The following SC5D variants were observed in gnomAD, a reference collection of about 807,000 sequenced individuals.
SC5D encodes the protein lathosterol oxidase.
Under a neutral mutation model 23.9 loss-of-function variants are expected in SC5D, and 21 were observed. The observed-to-expected ratio is 0.88, with a 90% CI of 0.62 to 1.26. The LOEUF (loss-of-function observed/expected upper bound fraction) is 1.26, where lower values mean the gene tolerates loss of function less well. SC5D is among the 50% of genes most tolerant of loss of function. The pLI, the probability that SC5D is intolerant of heterozygous loss-of-function variation, is 0.00. For synonymous variants in SC5D, 113 were observed against 125.9 expected, an observed-to-expected ratio of 0.90 and a Z score of 0.68; for missense variants, 309 against 364.8, an observed-to-expected ratio of 0.85 and a Z score of 1.25.
At position 121,306,376 on chromosome 11, in the gene SC5D, T is replaced by C. The variant is rs776728651; in HGVS notation, c.344-10T>C. On this transcript the variant is annotated splice_polypyrimidine_tract_variant and intron_variant, in intron 3 of 4. Coordinates refer to ENST00000264027, the MANE Select transcript of SC5D (RefSeq NM_006918.5). ...GTTTTGATTCTTCTGTTTCCCGTTT[T>C]CTTTTCTAGGATTGTTTGAACTTGT... 4 of 1,384,208 alleles carry C rather than the reference T, an allele frequency of 2.9e-6. No individual in the cohort carries two copies. The East Asian group carries it at 9.1e-5, about 32-fold the overall frequency. 85.7% of individuals were successfully genotyped at this position (1,384,208 alleles called of 1,614,324 possible). A position where few individuals can be genotyped will look rare whatever the true frequency, so the allele number is the denominator to read the frequency against.
At chr11:121,301,113 G>A (rs1306423808) in intron 1 of SC5D, among the ~76,000 whole-genome samples, 2 of 152,068 alleles carry the variant, frequency 1.3e-5, no homozygotes, top group Non-Finnish European at 2.9e-5. Flanking sequence ...AGTATGGCCT[G>A]TACACACAAA....
chr11:121,294,043 C>A (rs376793687), intron 1 of SC5D, among the ~76,000 whole-genome samples: 7 of 152,144 alleles, frequency 4.6e-5, no homozygotes, highest in Non-Finnish European at 1.0e-4. Flanking sequence ...AAAAATAATA[C>A]CTGGTTCTCA....
chr11:121,307,813 G>A lies in SC5D; in HGVS notation c.*301G>A. On this transcript the variant is annotated 3_prime_UTR_variant, in exon 5 of 5. Transcript: ENST00000264027. ...CCTCAACAACAATTTTAAATAAGAT[G>A]GAGAATAAATTATTGAGGGGACTAG... The A allele has an allele frequency of 3.7e-6, 1 of 268,236 alleles. No homozygotes were observed. The highest frequency in any genetic ancestry group is 8.6e-5 in the East Asian group (1 of 11,644). The allele number at this position is 268,236 out of a possible 1,614,324, so 16.6% of individuals were successfully genotyped here.
intron 1 of SC5D, 45 bp from the exon 2 acceptor site, chr11:121,303,321 A>G (rs1485508009): frequency 1.9e-6 from 3 of 1,572,536 alleles, no homozygotes; most frequent in African/African-American, 1.4e-5. Flanking sequence ...TTGCCTGGAA[A>G]AATAGAGACA....
At position 121,309,056 on chromosome 11, in the gene SC5D, A is replaced by ATATT. The variant is rs1947989643; in HGVS notation, c.*1549_*1552dup. ...TTATTTCCTAATATAATGTCAGCTG[A>ATATT]TATTTATTGAGCTTTTCCTCTTTGC... On this transcript the variant is annotated 3_prime_UTR_variant, in exon 5 of 5. Transcript: ENST00000264027. 6.6e-6 allele frequency among the ~76,000 whole-genome samples: 1 copy of ATATT among 152,206 alleles called. No individual in the cohort carries two copies. Among genetic ancestry groups the ATATT allele is most frequent in the South Asian group, 2.1e-4 (1 of 4,832 alleles).
intron 3 of SC5D, 58 bp downstream of exon 3, chr11:121,304,551 T>TA (rs1947949764): frequency 1.5e-5 from 23 of 1,504,446 alleles, no homozygotes; most frequent in South Asian, 1.1e-4. Flanking sequence ...TTAGTTTCCT[T>TA]AAAAAAACAA....
chr11:121,304,616 T>C, intron 3 of SC5D, 123 bp downstream of exon 3: 1 of 868,042 alleles, frequency 1.2e-6, no homozygotes, highest in Non-Finnish European at 1.8e-6. Context: ...TCAGTTGTTT[T>C]TTAATGTTCT....
Position 121,310,604 on chromosome 11 carries a change from C to T in SC5D, c.*3092C>T, listed in dbSNP as rs1565571743. On this transcript the variant is annotated 3_prime_UTR_variant, in exon 5 of 5. Coordinates refer to ENST00000264027, the MANE Select transcript of SC5D (RefSeq NM_006918.5). ...TCCCGAGTAGCTGGGACTACAGGTGCCCGCCACCACCACGCCCGGCTAATT... is the reference window on the plus strand; with the variant it reads ...TCCCGAGTAGCTGGGACTACAGGTGTCCGCCACCACCACGCCCGGCTAATT... Among the ~76,000 whole-genome samples, 2 of 151,834 alleles carry T rather than the reference C, an allele frequency of 1.3e-5. No homozygotes were observed. The highest frequency in any genetic ancestry group is 6.6e-5 in the Admixed American group (1 of 15,248).
rs563044179 is a variant in SC5D at position 121,313,011 on chromosome 11, A to G, written c.*5499A>G. Reference sequence around the variant, plus strand: ...GTAGCCATTTTTACTGTAGAGTTCAATGATCTTTGATGAACGTGTACACCC... The same window carrying G: ...GTAGCCATTTTTACTGTAGAGTTCAGTGATCTTTGATGAACGTGTACACCC... On this transcript the variant is annotated 3_prime_UTR_variant, in exon 5 of 5. Transcript: ENST00000264027. 9.2e-5 allele frequency among the ~76,000 whole-genome samples: 14 copies of G among 152,278 alleles called. No homozygotes were observed. In the South Asian group the frequency reaches 1.0e-3, roughly 11 times the overall value.
intron 1 of SC5D, among the ~76,000 whole-genome samples, chr11:121,294,162 A>T (rs1401753100): frequency 6.6e-6 from 1 of 152,226 alleles, no homozygotes; most frequent in Non-Finnish European, 1.5e-5. Flanking sequence ...TTTAAGAAGA[A>T]GTTTCTTTAA....
intron 1 of SC5D, among the ~76,000 whole-genome samples, chr11:121,302,396 A>G (rs988641365): frequency 1.3e-5 from 2 of 152,228 alleles, no homozygotes; most frequent in South Asian, 2.1e-4. Flanking sequence ...CATAAATGAT[A>G]GATTCCATAG....
chr11:121,312,808 TATTTAGATGTA>T lies in SC5D; in HGVS notation c.*5298_*5308del. 1.3e-5 allele frequency among the ~76,000 whole-genome samples: 2 copies of T among 152,108 alleles called. No individual in the cohort carries two copies. The highest frequency in any genetic ancestry group is 4.8e-5 in the African/African-American group (2 of 41,446). On this transcript the variant is annotated 3_prime_UTR_variant, in exon 5 of 5. Coordinates refer to ENST00000264027, the MANE Select transcript of SC5D (RefSeq NM_006918.5). ...TTATAATTTAACTCATTAAGCCATT[TATTTAGATGTA>T]AACTTGCCCCCCTGACATGTGGTAT...
intron 1 of SC5D, among the ~76,000 whole-genome samples, chr11:121,294,557 G>A (rs1157210376): frequency 6.6e-6 from 1 of 151,958 alleles, no homozygotes; most frequent in Non-Finnish European, 1.5e-5. Flanking sequence ...ATATTACCTA[G>A]TATATATTAA....
chr11:121,309,226 G>C lies in SC5D; in HGVS notation c.*1714G>C, dbSNP rs1303694037. On this transcript the variant is annotated 3_prime_UTR_variant, in exon 5 of 5. Coordinates refer to ENST00000264027, the MANE Select transcript of SC5D (RefSeq NM_006918.5). Reference sequence around the variant, plus strand: ...CCAGGCTCCTTCCTCTTGGGGCTCTGCCTTTCTCTCAGTCCATAGAGCCCT... The same window carrying C: ...CCAGGCTCCTTCCTCTTGGGGCTCTCCCTTTCTCTCAGTCCATAGAGCCCT... 6.6e-6 allele frequency among the ~76,000 whole-genome samples: 1 copy of C among 152,176 alleles called. No individual in the cohort carries two copies. The highest frequency in any genetic ancestry group is 1.5e-5 in the Non-Finnish European group (1 of 68,036).
chr11:121,304,152 A>G (rs1164943419), intron 2 of SC5D: 2 of 513,692 alleles, frequency 3.9e-6, no homozygotes, highest in Non-Finnish European at 3.5e-6. Context: ...AGGTTTCAGA[A>G]TTTGAAATAC....
chr11:121,303,145 A>G (rs947288128), intron 1 of SC5D, among the ~76,000 whole-genome samples: 4 of 152,140 alleles, frequency 2.6e-5, no homozygotes, highest in African/African-American at 9.7e-5. Flanking sequence ...TCTCTAACTG[A>G]GCTTTAGCAT....
At chr11:121,293,500 AAAT>A (rs1947866788) in intron 1 of SC5D, among the ~76,000 whole-genome samples, 1 of 152,174 alleles carries the variant, frequency 6.6e-6, no homozygotes, top group South Asian at 2.1e-4. Context: ...AGGAAAAGGG[AAAT>A]AATCTGTTCC....
chr11:121,306,881 A>G, intron 4 of SC5D, 176 bp from the exon 5 acceptor site: 1 of 694,316 alleles, frequency 1.4e-6, no homozygotes. Context: ...ACTTGTACTC[A>G]TAAATCCATA....
chr11:121,297,034 T>C (rs1399966724), intron 1 of SC5D, among the ~76,000 whole-genome samples: 1 of 152,188 alleles, frequency 6.6e-6, no homozygotes, highest in South Asian at 2.1e-4. Flanking sequence ...TAAATGCAAA[T>C]TAAGTATACC....
Sources: allele counts gnomAD v4.1 joint callset (sites outside exome capture counted in the v4.1 genomes callset), GRCh38; gene constraint gnomAD v4.1.1; transcripts MANE v1.5; gene names NCBI Gene and HGNC (gene_info 2026-07-23, HGNC 2026-07-21).